VPS13B: variants seen among roughly 807,000 people sequenced by gnomAD.
VPS13B encodes the protein intermembrane lipid transfer protein VPS13B.
In VPS13B, 285 loss-of-function variants were observed where a neutral mutation model predicts 426.4. That is an observed-to-expected ratio of 0.67 (90% CI 0.61 to 0.74). VPS13B has a LOEUF of 0.74. VPS13B is among the 30% of genes least tolerant of loss of function. The probability of loss-of-function intolerance (pLI) is 0.00; values close to 1 mark genes in which losing one functional copy is unlikely to be tolerated. For missense variants in VPS13B, 4,537 were observed against 4,782.6 expected, an observed-to-expected ratio of 0.95 and a Z score of 1.51; for synonymous variants, 1,676 against 1,676.4, an observed-to-expected ratio of 1.00 and a Z score of 0.01.
chr8:99,105,687 A>C (rs949336073), intron 5 of VPS13B, among the ~76,000 whole-genome samples: 1 of 152,136 alleles, frequency 6.6e-6, no homozygotes, highest in Non-Finnish European at 1.5e-5. Flanking sequence ...CCAGAAATTT[A>C]ATTTTAGTAT....
chr8:99,720,688 T>G (rs762124510), intron 38 of VPS13B, 136 bp downstream of exon 38: 73 of 1,123,308 alleles, frequency 6.5e-5, no homozygotes, highest in Non-Finnish European at 9.2e-5. Context: ...TAGTACATTA[T>G]CATTCAATCT....
At chr8:99,590,417 A>G (rs1826573117) in intron 33 of VPS13B, among the ~76,000 whole-genome samples, 1 of 151,896 alleles carries the variant, frequency 6.6e-6, no homozygotes, top group Non-Finnish European at 1.5e-5. Flanking sequence ...AATTCTTTTA[A>G]TTGTCATGTT....
At chr8:99,620,690 A>T (rs1404069399) in intron 33 of VPS13B, among the ~76,000 whole-genome samples, 8 of 151,446 alleles carry the variant, frequency 5.3e-5, no homozygotes, top group Admixed American at 5.3e-4. Context: ...GCCATGTGTC[A>T]GCTGGGTACA....
At chr8:99,028,074 T>C (rs916829665) in intron 2 of VPS13B, among the ~76,000 whole-genome samples, 3 of 152,224 alleles carry the variant, frequency 2.0e-5, no homozygotes, top group Admixed American at 1.3e-4. Flanking sequence ...GAATTTTTCT[T>C]AGTACAGAAC....
At chr8:99,238,499 G>A (rs984765833) in intron 17 of VPS13B, among the ~76,000 whole-genome samples, 1 of 152,184 alleles carries the variant, frequency 6.6e-6, no homozygotes, top group African/African-American at 2.4e-5. Flanking sequence ...GGAGCGAGTT[G>A]CTGATAAAAG....
At chr8:99,336,995 C>T (rs1320636102) in intron 19 of VPS13B, among the ~76,000 whole-genome samples, 2 of 152,064 alleles carry the variant, frequency 1.3e-5, no homozygotes, top group Non-Finnish European at 1.5e-5. Context: ...CCATTTGACC[C>T]AGCCATCCCA....
chr8:99,577,853 G>T, intron 33 of VPS13B: 1 of 588,122 alleles, frequency 1.7e-6, no homozygotes, highest in Non-Finnish European at 2.9e-6. Context: ...CAAAATTGCT[G>T]TGGACTGACC....
chr8:99,848,769 T>C lies in VPS13B; in HGVS notation c.9943-7T>C. The stretch of plus-strand genomic sequence containing the variant: ...TTTTAATCAGATTTTGAATATTCTT[T>C]CTGCAGGTTGTGTTCCTGACTGGCT... On this transcript the variant is annotated splice_polypyrimidine_tract_variant and splice_region_variant and intron_variant, in intron 54 of 61. Coordinates refer to ENST00000357162, the MANE Select transcript of VPS13B (RefSeq NM_152564.5). The C allele has an allele frequency of 6.2e-7, 1 of 1,613,444 alleles. No individual in the cohort carries two copies. The highest frequency in any genetic ancestry group is 2.2e-5 in the East Asian group (1 of 44,874).
chr8:99,482,838 C>G (rs1820113017), intron 25 of VPS13B, among the ~76,000 whole-genome samples: 1 of 152,128 alleles, frequency 6.6e-6, no homozygotes, highest in Non-Finnish European at 1.5e-5. Flanking sequence ...CACAGGATCT[C>G]TTGAACCCCT....
chr8:99,247,426 G>A (rs1015960989), intron 17 of VPS13B, among the ~76,000 whole-genome samples: 1 of 152,062 alleles, frequency 6.6e-6, no homozygotes, highest in African/African-American at 2.4e-5. Context: ...GGCAATGCCT[G>A]TGATATTTGT....
intron 2 of VPS13B, among the ~76,000 whole-genome samples, chr8:99,026,231 C>A (rs960253262): frequency 1.3e-5 from 2 of 152,020 alleles, no homozygotes; most frequent in African/African-American, 4.8e-5. Flanking sequence ...TTTAAAATTT[C>A]TTGTTTAATT....
intron 24 of VPS13B, among the ~76,000 whole-genome samples, chr8:99,475,206 G>A (rs1284480993): frequency 6.6e-6 from 1 of 152,188 alleles, no homozygotes; most frequent in East Asian, 1.9e-4. Flanking sequence ...AGAACAGCGA[G>A]AGAGAATAAA....
intron 19 of VPS13B, chr8:99,341,278 C>T (rs1030737046): frequency 8.9e-5 from 15 of 168,878 alleles, no homozygotes; most frequent in Admixed American, 5.2e-4. Context: ...GTGGAAGTCT[C>T]ATTAACTGTT....
chr8:99,541,960 G>GGATTAA (rs1276767823), intron 30 of VPS13B, among the ~76,000 whole-genome samples: 1 of 152,172 alleles, frequency 6.6e-6, no homozygotes, highest in African/African-American at 2.4e-5. Context: ...TCCACTTGCA[G>GGATTAA]GATTAAGTTT....
intron 50 of VPS13B, among the ~76,000 whole-genome samples, chr8:99,821,769 C>G (rs1339494717): frequency 6.6e-6 from 1 of 152,062 alleles, no homozygotes; most frequent in Non-Finnish European, 1.5e-5. Flanking sequence ...GAACTTACTC[C>G]AAAATATCCA....
chr8:99,577,728 T>A, intron 33 of VPS13B, 95 bp downstream of exon 33: 1 of 1,442,496 alleles, frequency 6.9e-7, no homozygotes, highest in Non-Finnish European at 9.6e-7. Flanking sequence ...GCTTTCTGCT[T>A]AATTATTCTG....
chr8:99,127,164 C>T (rs75132181), intron 8 of VPS13B, among the ~76,000 whole-genome samples: 11,340 of 151,572 alleles, frequency 0.075, 641 homozygotes, highest in African/African-American at 0.16. Flanking sequence ...TTTTTGTAGT[C>T]GTTTTTGGTG....
rs559838449 is a variant in VPS13B, at chr8:99,721,085, T to C, written c.7050+38T>C. The C allele has an allele frequency of 2.5e-5, 40 of 1,604,570 alleles. No individual in the cohort carries two copies. In the African/African-American group the frequency reaches 4.9e-4, roughly 20 times the overall value. On this transcript the variant is annotated intron_variant, in intron 39 of 61. Transcript: ENST00000357162. ...CATTCATTGTAAAATGAAAACATTG[T>C]GGGAAAGGGCTGATCATATATTAGG...
intron 43 of VPS13B, among the ~76,000 whole-genome samples, chr8:99,791,245 T>C (rs1812522015): frequency 1.3e-5 from 2 of 152,112 alleles, no homozygotes; most frequent in Admixed American, 6.6e-5. Flanking sequence ...GAACCCCTGA[T>C]TGTAGGGATG....
Sources: gnomAD v4.1 joint callset for allele counts (sites outside exome capture counted in the v4.1 genomes callset) on GRCh38, gnomAD v4.1.1 for gene constraint, MANE v1.5 for transcripts, NCBI Gene and HGNC (gene_info 2026-07-23, HGNC 2026-07-21) for gene names.